GALNTL6: variants seen among roughly 807,000 people sequenced by gnomAD.
GALNTL6 encodes the protein polypeptide N-acetylgalactosaminyltransferase-like 6.
GALNTL6 carries 46 observed loss-of-function variants against 73.7 expected under a neutral mutation model. The ratio of observed to expected loss-of-function variants is 0.62; its 90% CI spans 0.49 to 0.80. The LOEUF is 0.80. Among genes scored for constraint, GALNTL6 ranks in the 30% least tolerant of loss-of-function variants. The probability of loss-of-function intolerance (pLI) is 0.00; values close to 1 mark genes in which losing one functional copy is unlikely to be tolerated. For missense variants in GALNTL6, 604 were observed against 755.0 expected, an observed-to-expected ratio of 0.80 and a Z score of 2.34; for synonymous variants, 259 against 263.7, an observed-to-expected ratio of 0.98 and a Z score of 0.17.
At chr4:172,269,288 C>T (rs373726330) in intron 3 of GALNTL6, among the ~76,000 whole-genome samples, 7 of 152,156 alleles carry the variant, frequency 4.6e-5, no homozygotes, top group Non-Finnish European at 5.9e-5. Flanking sequence ...CAATAAGGCA[C>T]GGAGGTTAGG....
chr4:172,757,618 A>G (rs1266174438), intron 5 of GALNTL6, among the ~76,000 whole-genome samples: 3 of 152,254 alleles, frequency 2.0e-5, no homozygotes, highest in East Asian at 3.8e-4. Context: ...ATGCAAGATC[A>G]TCTTTCAAAA....
At chr4:172,439,316 T>C (rs2111397856) in intron 5 of GALNTL6, among the ~76,000 whole-genome samples, 2 of 152,022 alleles carry the variant, frequency 1.3e-5, no homozygotes, top group Admixed American at 1.3e-4. Context: ...CCCCACATTA[T>C]TAAACATAGT....
intron 3 of GALNTL6, among the ~76,000 whole-genome samples, chr4:172,298,189 T>C (rs574295543): frequency 1.4e-4 from 22 of 152,330 alleles, no homozygotes; most frequent in Admixed American, 1.4e-3. Flanking sequence ...CTTGTGATTT[T>C]TGCACATTGA....
chr4:172,487,425 G>A lies in GALNTL6; in HGVS notation c.553+138736G>A, dbSNP rs531298215. Among the ~76,000 whole-genome samples the A allele has an allele frequency of 2.3e-3, 328 of 141,758 alleles. 1 individual carries two copies. The highest frequency in any genetic ancestry group is 7.9e-3 in the African/African-American group (300 of 37,948). The allele number at this position is 141,758 out of a possible 152,430, so 93.0% of individuals were successfully genotyped here. ...TTTTTCTTTCTTGTCTCACTCTGTC[G>A]CCCAGGCTGGAGTACAGTGGTGTGA... On this transcript the variant is annotated intron_variant, in intron 5 of 12. Transcript: ENST00000506823.
intron 2 of GALNTL6, among the ~76,000 whole-genome samples, chr4:172,205,527 A>G (rs1736081180): frequency 6.6e-6 from 1 of 152,222 alleles, no homozygotes; most frequent in Admixed American, 6.5e-5. Context: ...GTATTATTAG[A>G]TCCAGGATAT....
intron 5 of GALNTL6, among the ~76,000 whole-genome samples, chr4:172,390,689 A>G (rs1398769354): frequency 6.6e-6 from 1 of 152,218 alleles, no homozygotes. Flanking sequence ...CCTCATGGAT[A>G]AGGGGGGACT....
At chr4:172,384,633 G>T in intron 5 of GALNTL6, among the ~76,000 whole-genome samples, 1 of 150,358 alleles carries the variant, frequency 6.7e-6, no homozygotes, top group South Asian at 2.1e-4. Context: ...CTTTCTCATT[G>T]CTTTGTGTTG....
chr4:172,241,289 G>T (rs1218962757), intron 3 of GALNTL6, among the ~76,000 whole-genome samples: 1 of 152,086 alleles, frequency 6.6e-6, no homozygotes. Context: ...TAAATAGGTG[G>T]TATACGCAGT....
intron 4 of GALNTL6, among the ~76,000 whole-genome samples, chr4:172,346,417 G>C (rs1012483837): frequency 6.6e-6 from 1 of 152,092 alleles, no homozygotes; most frequent in Non-Finnish European, 1.5e-5. Flanking sequence ...TGTCCAAAAC[G>C]TAAGAGTCCT....
At chr4:172,924,465 C>T (rs75331521) in intron 8 of GALNTL6, among the ~76,000 whole-genome samples, 1 of 152,034 alleles carries the variant, frequency 6.6e-6, no homozygotes, top group Non-Finnish European at 1.5e-5. Context: ...GTTCACTTAA[C>T]GAAGTATATG....
intron 5 of GALNTL6, among the ~76,000 whole-genome samples, chr4:172,622,275 A>G (rs994927010): frequency 1.3e-5 from 2 of 152,222 alleles, no homozygotes; most frequent in African/African-American, 4.8e-5. Context: ...TGTCACAACT[A>G]AAGTTTCCAA....
At chr4:171,855,641 T>A (rs904551329) in intron 2 of GALNTL6, among the ~76,000 whole-genome samples, 1 of 152,196 alleles carries the variant, frequency 6.6e-6, no homozygotes, top group South Asian at 2.1e-4. Flanking sequence ...AGGAACATAA[T>A]TATGATTTTA....
At chr4:172,566,420 A>C (rs369185151) in intron 5 of GALNTL6, among the ~76,000 whole-genome samples, 1 of 152,192 alleles carries the variant, frequency 6.6e-6, no homozygotes, top group South Asian at 2.1e-4. Context: ...TGGAAATTAA[A>C]CAACACACTC....
At chr4:172,055,491 T>G (rs1730994767) in intron 2 of GALNTL6, among the ~76,000 whole-genome samples, 2 of 152,194 alleles carry the variant, frequency 1.3e-5, no homozygotes, top group African/African-American at 4.8e-5. Flanking sequence ...AATAGGGCTC[T>G]TTGGTAAAAA....
intron 5 of GALNTL6, among the ~76,000 whole-genome samples, chr4:172,454,513 C>A (rs909567345): frequency 1.3e-5 from 2 of 152,232 alleles, no homozygotes; most frequent in Non-Finnish European, 2.9e-5. Context: ...TCCTTCTGGG[C>A]TCTTGCCAAA....
intron 2 of GALNTL6, among the ~76,000 whole-genome samples, chr4:172,104,284 G>A (rs1287825853): frequency 6.6e-6 from 1 of 152,116 alleles, no homozygotes; most frequent in Non-Finnish European, 1.5e-5. Context: ...GCCATTGGTG[G>A]AAAAAGTCCC....
chr4:172,766,047 A>C (rs987618286), intron 5 of GALNTL6, among the ~76,000 whole-genome samples: 6 of 152,186 alleles, frequency 3.9e-5, no homozygotes, highest in Non-Finnish European at 7.4e-5. Context: ...ATTCAAATAT[A>C]ACATGATAGC....
At position 172,445,625 on chromosome 4, in the gene GALNTL6, A is replaced by C. The variant is rs543727659; in HGVS notation, c.553+96936A>C. Among the ~76,000 whole-genome samples, 6 of 152,264 alleles carry C rather than the reference A, an allele frequency of 3.9e-5. No individual in the cohort carries two copies. The South Asian group carries it at 1.2e-3, about 32-fold the overall frequency. ...CTTCTATTTGGAAGATCAACTTATT[A>C]AGTAAATGCCTTTCTTTCCTAAAAC... is the stretch of plus-strand genomic sequence containing the variant. On this transcript the variant is annotated intron_variant, in intron 5 of 12. Transcript: ENST00000506823.
chr4:172,912,350 T>C (rs1363136393), intron 8 of GALNTL6, among the ~76,000 whole-genome samples: 1 of 152,162 alleles, frequency 6.6e-6, no homozygotes, highest in Non-Finnish European at 1.5e-5. Flanking sequence ...AGGTACCAGA[T>C]TCATCTCACT....
Sources: allele counts gnomAD v4.1 joint callset (sites outside exome capture counted in the v4.1 genomes callset), GRCh38; gene constraint gnomAD v4.1.1; transcripts MANE v1.5; gene names NCBI Gene and HGNC (gene_info 2026-07-23, HGNC 2026-07-21).